ATAD2B: variants seen among roughly 807,000 people sequenced by gnomAD.
The protein encoded by ATAD2B is ATPase family AAA domain containing 2B.
Under a neutral mutation model 167.6 loss-of-function variants are expected in ATAD2B, and 40 were observed. The ratio of observed to expected loss-of-function variants is 0.24; its 90% CI spans 0.19 to 0.31. The LOEUF (loss-of-function observed/expected upper bound fraction) is 0.31. Ranked by LOEUF, ATAD2B falls within the 10% of genes least tolerant of loss-of-function variation. The pLI, the probability that ATAD2B is intolerant of heterozygous loss-of-function variation, is 1.00. For synonymous variants in ATAD2B, 579 were observed against 596.5 expected (o/e 0.97, Z 0.43); for missense variants, 1,242 against 1,757.2 (o/e 0.71, Z 5.24).
chr2:23,810,261 A>G (rs933449628), intron 18 of ATAD2B, 55 bp downstream of exon 18: 1 of 1,469,462 alleles, frequency 6.8e-7, no homozygotes, highest in Non-Finnish European at 9.4e-7. Flanking sequence ...TAGAAATACT[A>G]CCAAATTATA....
At chr2:23,873,641 G>A (rs572118820) in intron 8 of ATAD2B, among the ~76,000 whole-genome samples, 28 of 152,038 alleles carry the variant, frequency 1.8e-4, no homozygotes, top group Non-Finnish European at 3.4e-4. Flanking sequence ...TTGTATTGTT[G>A]GGGTTTTTTC....
At chr2:23,727,187 T>C in the ATAD2B span, among the ~76,000 whole-genome samples, 1 of 151,964 alleles carries the variant, frequency 6.6e-6, no homozygotes, top group African/African-American at 2.4e-5. Flanking sequence ...ATCTGCAAAA[T>C]ATGTATGTGA....
At chr2:23,701,522 G>A in the ATAD2B span, among the ~76,000 whole-genome samples, 1 of 152,176 alleles carries the variant, frequency 6.6e-6, no homozygotes, top group East Asian at 1.9e-4. Context: ...AGACCAGCCT[G>A]GGCAACATAG....
chr2:23,782,776 T>G, intron 22 of ATAD2B, 93 bp downstream of exon 22: 1 of 1,068,710 alleles, frequency 9.4e-7, no homozygotes, highest in Middle Eastern at 2.1e-4. Context: ...TCATGAAAAT[T>G]ATCTATCTAG....
chr2:23,868,262 C>T (rs1325214565), intron 9 of ATAD2B, among the ~76,000 whole-genome samples: 1 of 152,124 alleles, frequency 6.6e-6, no homozygotes, highest in Non-Finnish European at 1.5e-5. Context: ...AAAAATAAAC[C>T]TATATGTATT....
At chr2:23,755,762 C>A (rs1382612193) in intron 25 of ATAD2B, among the ~76,000 whole-genome samples, 2 of 152,144 alleles carry the variant, frequency 1.3e-5, no homozygotes, top group African/African-American at 4.8e-5. Context: ...GCAAACGAAC[C>A]AAAGTATTGC....
chr2:23,820,013 A>T, intron 16 of ATAD2B, 131 bp from the exon 17 acceptor site: 2 of 557,034 alleles, frequency 3.6e-6, no homozygotes, highest in South Asian at 5.9e-5. Context: ...AATACAGGCA[A>T]ACTGACAAAC....
chr2:23,785,930 C>T (rs1158038807), intron 21 of ATAD2B, 97 bp downstream of exon 21: 1 of 1,086,078 alleles, frequency 9.2e-7, no homozygotes, highest in African/African-American at 1.6e-5. Flanking sequence ...TAATATTCAT[C>T]CATGCCTTTG....
At chr2:23,752,607 A>C (rs923712495) in intron 27 of ATAD2B, among the ~76,000 whole-genome samples, 2 of 152,022 alleles carry the variant, frequency 1.3e-5, no homozygotes, top group African/African-American at 4.8e-5. Context: ...CACAGAGGGG[A>C]TAAATAATTT....
At chr2:23,688,731 G>T in the ATAD2B span, 1 of 152,280 alleles carries the variant, frequency 6.6e-6, no homozygotes, top group South Asian at 2.1e-4. Flanking sequence ...CATAGAGAGG[G>T]TTAGTGCTGC....
chr2:23,924,742 T>C, intron 1 of ATAD2B, among the ~76,000 whole-genome samples: 1 of 152,246 alleles, frequency 6.6e-6, no homozygotes, highest in East Asian at 1.9e-4. Context: ...AAAGTTTCAT[T>C]AGTACCCTTC....
chr2:23,842,224 A>T (rs922937821), intron 13 of ATAD2B, among the ~76,000 whole-genome samples: 1 of 152,148 alleles, frequency 6.6e-6, no homozygotes. Context: ...ATTGACTTTT[A>T]AAAATTATTC....
intron 22 of ATAD2B, among the ~76,000 whole-genome samples, chr2:23,771,997 G>A (rs1039664554): frequency 1.3e-5 from 2 of 152,114 alleles, no homozygotes; most frequent in Admixed American, 1.3e-4. Flanking sequence ...CTCCTCCTGG[G>A]GCTGGTATCT....
chr2:23,729,685 G>T, the ATAD2B span, among the ~76,000 whole-genome samples: 1 of 151,786 alleles, frequency 6.6e-6, no homozygotes, highest in African/African-American at 2.4e-5. Flanking sequence ...AGTCTAGAGG[G>T]GGAAAAAAGT....
chr2:23,708,431 G>A, the ATAD2B span: 7 of 152,118 alleles, frequency 4.6e-5, no homozygotes, highest in African/African-American at 1.2e-4. Flanking sequence ...AGTTGTCAGC[G>A]AGACTCAACA....
intron 1 of ATAD2B, among the ~76,000 whole-genome samples, chr2:23,906,154 T>C (rs1309745232): frequency 2.0e-5 from 3 of 151,864 alleles, no homozygotes; most frequent in African/African-American, 7.3e-5. Context: ...CTCGCCAACA[T>C]GGTGAAACCC....
the ATAD2B span, among the ~76,000 whole-genome samples, chr2:23,724,176 C>T: frequency 1.3e-5 from 2 of 152,026 alleles, no homozygotes; most frequent in African/African-American, 4.8e-5. Context: ...AAAATCACAG[C>T]TAGATAGGAG....
downstream of ATAD2B, chr2:23,748,545 C>T (rs12619592): frequency 3.9e-5 from 6 of 152,038 alleles, no homozygotes; most frequent in Non-Finnish European, 8.8e-5. Context: ...ACATATAACA[C>T]GACTTTTTGG....
intron 13 of ATAD2B, among the ~76,000 whole-genome samples, chr2:23,854,203 C>T (rs549791364): frequency 7.9e-5 from 12 of 151,914 alleles, no homozygotes; most frequent in Admixed American, 7.9e-4. Context: ...TGAGATCGCG[C>T]GACTGCACTC....
Sources: gnomAD v4.1 joint callset for allele counts (sites outside exome capture counted in the v4.1 genomes callset) on GRCh38, gnomAD v4.1.1 for gene constraint, MANE v1.5 for transcripts, NCBI Gene and HGNC (gene_info 2026-07-23, HGNC 2026-07-21) for gene names.